The following GGCX variants were observed in gnomAD, a reference collection of about 807,000 sequenced individuals.
GGCX encodes gamma-glutamyl carboxylase, also known as vitamin K-dependent gamma-carboxylase.
GGCX carries 63 observed loss-of-function variants against 88.5 expected under a neutral mutation model. That is an observed-to-expected ratio of 0.71 (90% CI 0.58 to 0.88). The LOEUF is 0.88. Ranked by LOEUF, GGCX falls within the 40% of genes least tolerant of loss-of-function variation. The probability of loss-of-function intolerance (pLI) is 0.00; values close to 1 mark genes in which losing one functional copy is unlikely to be tolerated. For synonymous variants in GGCX, 368 were observed against 365.8 expected, an observed-to-expected ratio of 1.01 and a Z score of -0.07; for missense variants, 805 against 932.9, an observed-to-expected ratio of 0.86 and a Z score of 1.79.
rs1258166199 is a variant in GGCX at position 85,553,508 on chromosome 2, A to C, written c.890-11T>G. The C allele has an allele frequency of 6.2e-7, 1 of 1,613,044 alleles. No homozygotes were observed. The highest frequency in any genetic ancestry group is 8.5e-7 in the Non-Finnish European group (1 of 1,179,900). ...CGTAGGAGAACATACCTAGGAAAGC[A>C]GGGAGAAAATACATATTTCAGGAGT... is the stretch of plus-strand genomic sequence containing the variant. On this transcript the variant is annotated splice_polypyrimidine_tract_variant and intron_variant, in intron 7 of 14. Transcript: ENST00000233838.
At position 85,545,868 on chromosome 2, in the gene GGCX, T is replaced by G. The variant is rs1208990069; in HGVS notation, c.*4066A>C. On this transcript the variant is annotated 3_prime_UTR_variant, in exon 15 of 15. Coordinates refer to ENST00000233838, the MANE Select transcript of GGCX (RefSeq NM_000821.7). ...AGAAGTTCTGAAACGTGATTTCTAG[T>G]CAATATCTTGCAGAGATAAATAATG... is the stretch of plus-strand genomic sequence containing the variant. 1 of 152,258 alleles carries G rather than the reference T, an allele frequency of 6.6e-6. No homozygotes were observed. The highest frequency in any genetic ancestry group is 1.5e-5 in the Non-Finnish European group (1 of 68,052). 9.4% of individuals were successfully genotyped at this position (152,258 alleles called of 1,614,324 possible).
intron 11 of GGCX, 42 bp from the exon 12 acceptor site, chr2:85,551,652 G>A (rs750090532): frequency 1.2e-6 from 2 of 1,611,432 alleles, no homozygotes; most frequent in Non-Finnish European, 1.7e-6. Context: ...CCATGGCAGA[G>A]TGAACTCACT....
rs1691828984 is a variant in GGCX, at chr2:85,549,561, A to C, written c.*373T>G. On this transcript the variant is annotated 3_prime_UTR_variant, in exon 15 of 15. Transcript: ENST00000233838. ...TTTTTAGTAGAGAAGGGGTTTTGCC[A>C]TGTTGGCCAGGCTGGTCTCGAACTC... is the stretch of plus-strand genomic sequence containing the variant. 3.9e-6 allele frequency: 1 copy of C among 254,782 alleles called. No homozygotes were observed. The highest frequency in any genetic ancestry group is 7.7e-6 in the Non-Finnish European group (1 of 129,162). The allele number at this position is 254,782 out of a possible 1,614,324, so 15.8% of individuals were successfully genotyped here.
rs150275883 is a variant in GGCX at position 85,554,189 on chromosome 2, G to A, written c.843C>T (p.Phe281=). 2.1e-5 allele frequency: 34 copies of A among 1,612,790 alleles called. No homozygotes were observed. The highest frequency in any genetic ancestry group is 2.7e-5 in the Non-Finnish European group (32 of 1,178,924). The change falls in exon 7 of 15, where the codon TTC becomes TTT. Residue 281 remains phenylalanine, a synonymous_variant. Coordinates refer to ENST00000233838, the MANE Select transcript of GGCX (RefSeq NM_000821.7). ...FFDVSRSIGL[F]FVSYFHCMNS... is the part of the protein sequence containing the mutation. ...TCATGCAGTGGAAGTAGGACACAAA[G>A]AACAGGCCAATGGATCTTGAGACAT...
rs1691811503 is a variant in GGCX, at chr2:85,549,267, T to C, written c.*667A>G. On this transcript the variant is annotated 3_prime_UTR_variant, in exon 15 of 15. Coordinates refer to ENST00000233838, the MANE Select transcript of GGCX (RefSeq NM_000821.7). ...TTTACCTCTCAGCCTAATGTAATAA[T>C]GCAGGTAACACTGCTCACGCGGTGT... 2.0e-5 allele frequency: 3 copies of C among 152,898 alleles called. No homozygotes were observed. Among genetic ancestry groups the C allele is most frequent in the African/African-American group, 4.8e-5 (2 of 41,462 alleles). The allele number at this position is 152,898 out of a possible 1,614,324, so 9.5% of individuals were successfully genotyped here.
At position 85,549,060 on chromosome 2, in the gene GGCX, A is replaced by G. The variant is rs1283449005; in HGVS notation, c.*874T>C. ...AAGATAAATTACTTTGTGTGCATTT[A>G]CAACCTGACCACCATCCAATTATAC... On this transcript the variant is annotated 3_prime_UTR_variant, in exon 15 of 15. Coordinates refer to ENST00000233838, the MANE Select transcript of GGCX (RefSeq NM_000821.7). 1 of 152,258 alleles carries G rather than the reference A, an allele frequency of 6.6e-6. No individual in the cohort carries two copies. The highest frequency in any genetic ancestry group is 1.5e-5 in the Non-Finnish European group (1 of 68,054). 9.4% of individuals were successfully genotyped at this position (152,258 alleles called of 1,614,324 possible).
At chr2:85,550,199 A>C in intron 14 of GGCX, 73 bp from the exon 15 acceptor site, 1 of 1,129,406 alleles carries the variant, frequency 8.9e-7, no homozygotes, top group East Asian at 2.4e-5. Context: ...AAGCCCTTAG[A>C]AGGCACCTGG....
Position 85,560,918 on chromosome 2 carries a change from G to C in GGCX, c.111C>G (p.Leu37=). Reference sequence around the variant, plus strand: ...ACAAATCTGTCCACTCAAAACCCAAGAGTTTCCCTATTCGGCTGTCCTGCC... The same window carrying C: ...ACAAATCTGTCCACTCAAAACCCAACAGTTTCCCTATTCGGCTGTCCTGCC... ...GPRQDSRIGK[L]LGFEWTDLSS... Residue 37 remains leucine, a synonymous_variant, in exon 2 of 15, where the codon CTC becomes CTG. Transcript: ENST00000233838. 6.2e-7 allele frequency: 1 copy of C among 1,613,996 alleles called. No individual in the cohort carries two copies. Among genetic ancestry groups the C allele is most frequent in the South Asian group, 1.1e-5 (1 of 91,080 alleles).
At chr2:85,554,005 G>T in intron 7 of GGCX, 138 bp downstream of exon 7, 1 of 750,158 alleles carries the variant, frequency 1.3e-6, no homozygotes, top group Admixed American at 1.9e-5. Flanking sequence ...CCCCATTTAT[G>T]CCTACTTCAT....
rs1691590431 is a variant in GGCX at position 85,545,071 on chromosome 2, G to A, written c.*4863C>T. 6.5e-6 allele frequency: 1 copy of A among 152,674 alleles called. No homozygotes were observed. The highest frequency in any genetic ancestry group is 2.4e-5 in the African/African-American group (1 of 41,420). The allele number at this position is 152,674 out of a possible 1,614,324, so 9.5% of individuals were successfully genotyped here. On this transcript the variant is annotated 3_prime_UTR_variant, in exon 15 of 15. Coordinates refer to ENST00000233838, the MANE Select transcript of GGCX (RefSeq NM_000821.7). ...GTCTGGCTGGTGTTAACAGAAGGGA[G>A]GGCAGAGCTGGTGCGGCTGGCCATG...
rs1553445998 is a variant in GGCX at position 85,554,454 on chromosome 2, T to TTTGTGGTTGTTG, written c.726-149_726-148insCAACAACCACAA. On this transcript the variant is annotated intron_variant, in intron 6 of 14. Transcript: ENST00000233838. ...CCCATGAAGACACTCCTCTAGGTTG[T>TTTGTGGTTGTTG]TTGTTGTTGTTGTTGTTGTTGTTGT... 5 of 645,594 alleles carry TTTGTGGTTGTTG rather than the reference T, an allele frequency of 7.7e-6. No individual in the cohort carries two copies. In the African/African-American group the frequency reaches 9.4e-5, roughly 12 times the overall value. The allele number at this position is 645,594 out of a possible 1,614,324, so 40.0% of individuals were successfully genotyped here. A position where few individuals can be genotyped will look rare whatever the true frequency, so the allele number is the denominator to read the frequency against.
chr2:85,554,391 CT>C, intron 6 of GGCX, 85 bp from the exon 7 acceptor site: 1 of 1,220,574 alleles, frequency 8.2e-7, no homozygotes, highest in Non-Finnish European at 1.2e-6. Flanking sequence ...GCCTTGGCTA[CT>C]CCAGTGGCTG....
Position 85,554,297 on chromosome 2 carries a change from C to T in GGCX, c.735G>A (p.Leu245=). 6.2e-7 allele frequency: 1 copy of T among 1,613,966 alleles called. No individual in the cohort carries two copies. The highest frequency in any genetic ancestry group is 1.1e-5 in the South Asian group (1 of 91,076). ...CCAGCAGGCTAGTCAGCTCCTCAGA[C>T]AACAGCAGTCTGCAAACACATGGAG... The part of the protein sequence containing the change: ...HWLFSPFKLL[L]SEELTSLLVV... The change falls in exon 7 of 15, where the codon TTG becomes TTA. Residue 245 remains leucine (L), a synonymous_variant. Transcript: ENST00000233838.
chr2:85,558,385 C>G, intron 4 of GGCX, 55 bp downstream of exon 4: 1 of 1,449,766 alleles, frequency 6.9e-7, no homozygotes, highest in South Asian at 1.1e-5. Context: ...GCCCCTATCT[C>G]TGATAACCAT....
In GGCX at chr2:85,544,989, C is replaced by T. The variant is rs538854890; in HGVS notation, c.*4945G>A. 1 of 152,292 alleles carries T rather than the reference C, an allele frequency of 6.6e-6. No homozygotes were observed. Among genetic ancestry groups the T allele is most frequent in the South Asian group, 2.1e-4 (1 of 4,814 alleles). The allele number at this position is 152,292 out of a possible 1,614,324, so 9.4% of individuals were successfully genotyped here. A position where few individuals can be genotyped will look rare whatever the true frequency, so the allele number is the denominator to read the frequency against. On this transcript the variant is annotated 3_prime_UTR_variant, in exon 15 of 15. Transcript: ENST00000233838. ...GATTCCTTTAACAACATGTTTCCAG[C>T]ATTCCCAGGTAGGCCAAGGTGTCCT...
chr2:85,554,956 G>A (rs1444238833), intron 6 of GGCX: 1 of 165,248 alleles, frequency 6.1e-6, no homozygotes, highest in African/African-American at 2.5e-5. Context: ...TCATAATGAA[G>A]TCAAACTTCA....
chr2:85,561,066 A>G, intron 1 of GGCX, 81 bp from the exon 2 acceptor site: 1 of 1,239,456 alleles, frequency 8.1e-7, no homozygotes. Context: ...CCAACAGCTC[A>G]GAGCTTCCGC....
intron 6 of GGCX, chr2:85,554,752 G>A (rs1692135696): frequency 3.8e-6 from 1 of 265,824 alleles, no homozygotes; most frequent in Non-Finnish European, 7.4e-6. Context: ...ACAGGCATGA[G>A]CCACCATGCC....
chr2:85,552,980 G>A lies in GGCX; in HGVS notation c.1246C>T (p.Arg416Cys), dbSNP rs751742099. The change falls in exon 9 of 15, where the codon CGT (arginine) becomes TGT (cysteine). Residue 416 changes from arginine (R) to cysteine (C), a missense_variant. Arg to Cys is a radical substitution (Grantham distance 180). Around this residue, in one of 3 missense-constraint regions of GGCX, gnomAD observed 680 missense variants for 763.7 expected, o/e 0.89. Coordinates refer to ENST00000233838, the MANE Select transcript of GGCX (RefSeq NM_000821.7). ...CCCAGTTCGCCAGTGCGGCCATCAC[G>A]GTAGGTGATCTTCACGTGCTGGTGG... ...RSHQHVKITY[R>C]DGRTGELGYL... 3.7e-6 allele frequency: 6 copies of A among 1,613,994 alleles called. No individual in the cohort carries two copies. The highest frequency in any genetic ancestry group is 2.2e-5 in the East Asian group (1 of 44,888).
Sources: gnomAD v4.1 joint callset for allele counts on GRCh38, gnomAD v4.1.1 for gene constraint, gnomAD v4.1.1 regional missense constraint, MANE v1.5 for transcripts, NCBI Gene and HGNC (gene_info 2026-07-23, HGNC 2026-07-21) for gene names.